Variants in KCNIP4 observed in about 807,000 individuals in gnomAD.
KCNIP4 encodes potassium voltage-gated channel interacting protein 4.
In KCNIP4, 12 loss-of-function variants were observed where a neutral mutation model predicts 34.0. That is an observed-to-expected ratio of 0.35 (90% confidence interval 0.23 to 0.57). The LOEUF (loss-of-function observed/expected upper bound fraction) is 0.57, where lower values mean the gene tolerates loss of function less well. KCNIP4 is among the 20% of genes least tolerant of loss of function. The pLI, the probability that KCNIP4 is intolerant of heterozygous loss-of-function variation, is 0.83. For synonymous variants in KCNIP4, 124 were observed against 102.2 expected, an observed-to-expected ratio of 1.21 and a Z score of -1.29; for missense variants, 238 against 311.7, an observed-to-expected ratio of 0.76 and a Z score of 1.78.
At chr4:20,955,859 C>T (rs1475272588) in intron 1 of KCNIP4, among the ~76,000 whole-genome samples, 2 of 152,100 alleles carry the variant, frequency 1.3e-5, no homozygotes, top group Non-Finnish European at 1.5e-5. Flanking sequence ...TAATATCCTC[C>T]TTTTATTATT....
chr4:21,311,556 G>A (rs745558427), intron 1 of KCNIP4, among the ~76,000 whole-genome samples: 12 of 152,044 alleles, frequency 7.9e-5, no homozygotes, highest in Non-Finnish European at 1.2e-4. Flanking sequence ...GGGTGTGATG[G>A]TGCGTGCCTG....
At chr4:21,313,091 A>G (rs1018614729) in intron 1 of KCNIP4, among the ~76,000 whole-genome samples, 11 of 152,242 alleles carry the variant, frequency 7.2e-5, no homozygotes, top group African/African-American at 2.2e-4. Context: ...TCAATACTAT[A>G]AAAGTAACAA....
chr4:21,289,278 A>G (rs974662910), intron 1 of KCNIP4, among the ~76,000 whole-genome samples: 1 of 152,198 alleles, frequency 6.6e-6, no homozygotes, highest in African/African-American at 2.4e-5. Context: ...AGCATTTATC[A>G]TTTATTTTTG....
rs12644737 is a variant in KCNIP4, at chr4:21,125,188, C to T, written c.62-242479G>A. Among the ~76,000 whole-genome samples the T allele has an allele frequency of 2.5e-5, 3 of 119,084 alleles. No homozygotes were observed. In the East Asian group the frequency reaches 6.9e-4, roughly 27 times the overall value. 78.1% of individuals were successfully genotyped at this position (119,084 alleles called of 152,430 possible). On this transcript the variant is annotated intron_variant, in intron 1 of 8. Transcript: ENST00000382152. ...GAGGGCTTTTTTTATTTTATTTTGT[C>T]TTATTTTATTTTATTTTATTTTATT...
intron 1 of KCNIP4, among the ~76,000 whole-genome samples, chr4:21,423,628 G>A (rs980676162): frequency 3.3e-5 from 5 of 152,066 alleles, no homozygotes; most frequent in South Asian, 2.1e-4. Flanking sequence ...TCCCATCTCT[G>A]TTCTCCATGT....
At position 21,304,003 on chromosome 4, in the gene KCNIP4, C is replaced by T. The variant is rs115920622; in HGVS notation, c.62-421294G>A. 1,323 of 1,241,272 alleles carry T rather than the reference C, an allele frequency of 1.1e-3. 12 individuals carry two copies. In the African/African-American group the frequency reaches 0.021, roughly 20 times the overall value. The allele number at this position is 1,241,272 out of a possible 1,614,324, so 76.9% of individuals were successfully genotyped here. On this transcript the variant is annotated intron_variant, in intron 1 of 8. Transcript: ENST00000382152. ...TTAAACTACATTAAGAAGGCTACTG[C>T]TGGAGAAAGGGGAGGAGGAGAGCGT...
intron 1 of KCNIP4, among the ~76,000 whole-genome samples, chr4:21,132,406 C>T (rs2109177037): frequency 6.6e-6 from 1 of 152,290 alleles, no homozygotes; most frequent in Middle Eastern, 3.4e-3. Context: ...AGCCATTTAT[C>T]CTCTTGGATA....
At chr4:21,188,481 T>C (rs1369206201) in intron 1 of KCNIP4, among the ~76,000 whole-genome samples, 1 of 152,168 alleles carries the variant, frequency 6.6e-6, no homozygotes. Context: ...AATAATATAT[T>C]TAACATTTCT....
rs67339077 is a variant in KCNIP4, at chr4:21,291,926, AG to A, written c.62-409218del. On this transcript the variant is annotated intron_variant, in intron 1 of 8. Transcript: ENST00000382152. ...AAGAAAGAAAGAAAGAAAGAAAGAA[AG>A]AAAGAAAGAAAAAAAAAGAAAAAAG... 2.0e-3 allele frequency among the ~76,000 whole-genome samples: 189 copies of A among 93,998 alleles called. 3 individuals are homozygous for A. The highest frequency in any genetic ancestry group is 3.1e-3 in the Non-Finnish European group (158 of 51,630). The allele number at this position is 93,998 out of a possible 152,430, so 61.7% of individuals were successfully genotyped here. A position where few individuals can be genotyped will look rare whatever the true frequency, so the allele number is the denominator to read the frequency against.
chr4:21,451,226 C>G (rs899407792), intron 1 of KCNIP4, among the ~76,000 whole-genome samples: 1 of 152,096 alleles, frequency 6.6e-6, no homozygotes, highest in African/African-American at 2.4e-5. Context: ...GAGTAATGAG[C>G]AACGAGATCT....
At chr4:21,577,916 C>T (rs1171348225) in intron 1 of KCNIP4, among the ~76,000 whole-genome samples, 1 of 152,158 alleles carries the variant, frequency 6.6e-6, no homozygotes, top group Non-Finnish European at 1.5e-5. Context: ...TTATGCCAGC[C>T]ACTTTACTAT....
At chr4:21,590,893 G>T (rs73252301) in intron 1 of KCNIP4, among the ~76,000 whole-genome samples, 9,987 of 151,924 alleles carry the variant, frequency 0.066, 474 homozygotes, top group African/African-American at 0.13. Context: ...CAATGTCCAA[G>T]CAAGGCAGGT....
Position 21,405,888 on chromosome 4 carries a change from C to T in KCNIP4, c.62-523179G>A, listed in dbSNP as rs536948251. On this transcript the variant is annotated intron_variant, in intron 1 of 8. Transcript: ENST00000382152. ...TTTGCTCTCGTTGCCCATGCTAGAG[C>T]GCAATGGCGCGATCTTGGCTCACTG... is the stretch of plus-strand genomic sequence containing the variant. Among the ~76,000 whole-genome samples, 5 of 152,274 alleles carry T rather than the reference C, an allele frequency of 3.3e-5. No homozygotes were observed. In the East Asian group the frequency reaches 7.7e-4, roughly 24 times the overall value.
chr4:21,456,181 G>A (rs1225529943), intron 1 of KCNIP4, among the ~76,000 whole-genome samples: 1 of 147,206 alleles, frequency 6.8e-6, no homozygotes, highest in Non-Finnish European at 1.5e-5. Flanking sequence ...AAGAAACTCT[G>A]CCAGTTACAG....
chr4:21,153,599 T>C (rs1752927266), intron 1 of KCNIP4, among the ~76,000 whole-genome samples: 1 of 151,498 alleles, frequency 6.6e-6, no homozygotes, highest in African/African-American at 2.4e-5. Context: ...TAGCTCTCTA[T>C]ATACTAAACA....
At chr4:21,944,059 T>C (rs1730355673) in intron 1 of KCNIP4, among the ~76,000 whole-genome samples, 1 of 151,752 alleles carries the variant, frequency 6.6e-6, no homozygotes, top group African/African-American at 2.4e-5. Context: ...AAGGTGCTGG[T>C]AAAACTTTCT....
At chr4:21,846,454 C>A (rs1339799552) in intron 1 of KCNIP4, 2 of 152,222 alleles carry the variant, frequency 1.3e-5, no homozygotes, top group African/African-American at 4.8e-5. Flanking sequence ...TGATCTTTAA[C>A]AAGTCATCTA....
intron 1 of KCNIP4, among the ~76,000 whole-genome samples, chr4:20,923,443 G>T (rs1352215584): frequency 6.6e-6 from 1 of 152,042 alleles, no homozygotes; most frequent in Non-Finnish European, 1.5e-5. Context: ...AATATCTTCT[G>T]CATGGAACTG....
chr4:21,318,689 T>G (rs573884673), intron 1 of KCNIP4, among the ~76,000 whole-genome samples: 2 of 152,270 alleles, frequency 1.3e-5, no homozygotes, highest in Admixed American at 6.5e-5. Flanking sequence ...TTTTGATATG[T>G]GTCTTATTAA....
Sources: allele counts gnomAD v4.1 joint callset (sites outside exome capture counted in the v4.1 genomes callset), GRCh38; gene constraint gnomAD v4.1.1; transcripts MANE v1.5; gene names NCBI Gene and HGNC (gene_info 2026-07-23, HGNC 2026-07-21).